ASIC5: variants seen among roughly 807,000 people sequenced by gnomAD.
ASIC5 encodes bile acid-sensitive ion channel.
ASIC5 carries 52 observed loss-of-function variants against 51.2 expected under a neutral mutation model. The observed-to-expected ratio is 1.02, with a 90% CI of 0.81 to 1.28. ASIC5 has a LOEUF of 1.28. Among genes scored for constraint, ASIC5 ranks in the 50% most tolerant of loss-of-function variants. The pLI, the probability that ASIC5 is intolerant of heterozygous loss-of-function variation, is 0.00. For missense variants in ASIC5, 635 were observed against 595.0 expected (o/e 1.07, Z -0.70); for synonymous variants, 231 against 200.7 (o/e 1.15, Z -1.28).
rs997255493 is a variant in ASIC5 at position 155,838,876 on chromosome 4, A to G, written c.1010-7T>C. ...TCACATTCTATCCCATATCCTTAAAAATAATAAGTGTAACATATAGAGACT... is the reference window on the plus strand; with the variant it reads ...TCACATTCTATCCCATATCCTTAAAGATAATAAGTGTAACATATAGAGACT... On this transcript the variant is annotated splice_polypyrimidine_tract_variant and splice_region_variant and intron_variant, in intron 6 of 9. Coordinates refer to ENST00000537611, the MANE Select transcript of ASIC5 (RefSeq NM_017419.3). 5.3e-6 allele frequency: 8 copies of G among 1,522,496 alleles called. No individual in the cohort carries two copies. In the Admixed American group the frequency reaches 1.4e-4, roughly 26 times the overall value. 94.3% of individuals were successfully genotyped at this position (1,522,496 alleles called of 1,614,324 possible). A position where few individuals can be genotyped will look rare whatever the true frequency, so the allele number is the denominator to read the frequency against.
Position 155,830,040 on chromosome 4 carries a change from A to C in ASIC5, c.1334T>G (p.Leu445Arg), listed in dbSNP as rs867319579. 1 of 1,540,006 alleles carries C rather than the reference A, an allele frequency of 6.5e-7. No individual in the cohort carries two copies. The highest frequency in any genetic ancestry group is 8.7e-7 in the Non-Finnish European group (1 of 1,146,366). Reference protein sequence around the residue: ...AVSVSELLADLGGQLGLFCGA... With the variant: ...AVSVSELLADRGGQLGLFCGA... The stretch of plus-strand genomic sequence containing the variant: ...ACAAAATAGACCCAGCTGACCACCA[A>C]GATCTGCTGTAATAAAACCAATAAA... Residue 445 changes from leucine to arginine, a missense_variant, in exon 10 of 10, where the codon CTT (leucine) becomes CGT (arginine). Leu to Arg is a moderately radical substitution (Grantham distance 102). Transcript: ENST00000537611.
intron 4 of ASIC5, among the ~76,000 whole-genome samples, chr4:155,849,075 T>C (rs1036220564): frequency 2.0e-5 from 3 of 152,062 alleles, no homozygotes; most frequent in South Asian, 2.1e-4. Flanking sequence ...CAGGACACAA[T>C]TGGAGAAACT....
chr4:155,857,583 A>G (rs1228825693), intron 2 of ASIC5, among the ~76,000 whole-genome samples: 1 of 152,118 alleles, frequency 6.6e-6, no homozygotes, highest in African/African-American at 2.4e-5. Flanking sequence ...ACAATTTAAC[A>G]TCTGCTAACC....
intron 4 of ASIC5, among the ~76,000 whole-genome samples, chr4:155,845,791 C>G (rs1741227211): frequency 6.6e-6 from 1 of 152,040 alleles, no homozygotes; most frequent in Non-Finnish European, 1.5e-5. Context: ...CTTTTTCTCT[C>G]TGTACCTTAT....
chr4:155,834,527 G>A (rs1322091329), intron 8 of ASIC5, among the ~76,000 whole-genome samples: 1 of 151,974 alleles, frequency 6.6e-6, no homozygotes, highest in Non-Finnish European at 1.5e-5. Flanking sequence ...TAGTCTTCCT[G>A]GTAATGGCCT....
At chr4:155,860,314 AAAT>A (rs1156919305) in intron 2 of ASIC5, among the ~76,000 whole-genome samples, 1 of 151,860 alleles carries the variant, frequency 6.6e-6, no homozygotes, top group African/African-American at 2.4e-5. Context: ...CACCTCCTAA[AAAT>A]AATAAATAAA....
intron 4 of ASIC5, among the ~76,000 whole-genome samples, chr4:155,844,332 A>G (rs1356113940): frequency 6.6e-6 from 1 of 152,026 alleles, no homozygotes; most frequent in African/African-American, 2.4e-5. Context: ...CAAACAAAAA[A>G]AACTCCTTTT....
intron 4 of ASIC5, among the ~76,000 whole-genome samples, chr4:155,844,594 G>T (rs1741197353): frequency 7.1e-6 from 1 of 141,360 alleles, no homozygotes; most frequent in African/African-American, 2.5e-5. Flanking sequence ...CTGTTTTGTT[G>T]TTTGTTTCTC....
chr4:155,859,045 TG>T (rs1263757781), intron 2 of ASIC5: 2 of 151,916 alleles, frequency 1.3e-5, no homozygotes, highest in African/African-American at 4.8e-5. Flanking sequence ...GTGAGAAAAT[TG>T]TAAGAGAGGG....
At chr4:155,855,430 G>A (rs746669634) in intron 2 of ASIC5, 1 of 151,792 alleles carries the variant, frequency 6.6e-6, no homozygotes, top group African/African-American at 2.4e-5. Context: ...TTATCTTGCC[G>A]GGCAATTTTG....
chr4:155,865,306 A>G (rs1020178510), intron 1 of ASIC5, among the ~76,000 whole-genome samples: 4 of 152,142 alleles, frequency 2.6e-5, no homozygotes, highest in African/African-American at 9.6e-5. Context: ...AACTGGCATA[A>G]TCCCAGAGAA....
At chr4:155,838,529 T>C (rs1475732346) in intron 7 of ASIC5, among the ~76,000 whole-genome samples, 3 of 152,200 alleles carry the variant, frequency 2.0e-5, no homozygotes, top group Non-Finnish European at 4.4e-5. Flanking sequence ...CTATTCACAA[T>C]AAACTTGTTT....
chr4:155,864,206 C>T (rs1224307956), intron 1 of ASIC5, among the ~76,000 whole-genome samples: 2 of 152,136 alleles, frequency 1.3e-5, no homozygotes, highest in Non-Finnish European at 2.9e-5. Flanking sequence ...AATGTTTGTC[C>T]TATGGTGGTA....
At chr4:155,842,460 G>T in intron 5 of ASIC5, 106 bp from the exon 6 acceptor site, 1 of 1,169,064 alleles carries the variant, frequency 8.6e-7, no homozygotes, top group Non-Finnish European at 1.2e-6. Context: ...AGAGCTCTTT[G>T]ATTTTCAAAA....
At chr4:155,834,909 G>C (rs192943419) in intron 8 of ASIC5, among the ~76,000 whole-genome samples, 45 of 152,202 alleles carry the variant, frequency 3.0e-4, no homozygotes, top group African/African-American at 1.1e-3. Flanking sequence ...TCGGCCGGGG[G>C]TGTTCAGAGA....
In ASIC5 at chr4:155,838,874, A is replaced by G; in HGVS notation, c.1010-5T>C. ...GGTCACATTCTATCCCATATCCTTA[A>G]AAATAATAAGTGTAACATATAGAGA... On this transcript the variant is annotated splice_polypyrimidine_tract_variant and splice_region_variant and intron_variant, in intron 6 of 9. Transcript: ENST00000537611. The G allele has an allele frequency of 6.5e-7, 1 of 1,531,348 alleles. No individual in the cohort carries two copies. The highest frequency in any genetic ancestry group is 9.0e-7 in the Non-Finnish European group (1 of 1,109,386). 94.9% of individuals were successfully genotyped at this position (1,531,348 alleles called of 1,614,324 possible).
In ASIC5 at chr4:155,849,890, C is replaced by T. The variant is rs190336184; in HGVS notation, c.711+2301G>A. On this transcript the variant is annotated intron_variant, in intron 4 of 9. Transcript: ENST00000537611. Reference sequence around the variant, plus strand: ...TACTGATGTACGGACTTCAAAGTAACATGGCCTATATGAATATTTCCAGTA... The same window carrying T: ...TACTGATGTACGGACTTCAAAGTAATATGGCCTATATGAATATTTCCAGTA... Among the ~76,000 whole-genome samples the T allele has an allele frequency of 2.8e-4, 42 of 152,082 alleles. No homozygotes were observed. In the East Asian group the frequency reaches 7.6e-3, roughly 27 times the overall value.
intron 8 of ASIC5, 35 bp from the exon 9 acceptor site, chr4:155,831,950 A>G (rs1421859291): frequency 9.1e-7 from 1 of 1,104,614 alleles, no homozygotes; most frequent in African/African-American, 1.6e-5. Context: ...ATAGCTTAAG[A>G]TTGTCAGCAT....
Position 155,829,969 on chromosome 4 carries a change from T to C in ASIC5, c.1405A>G (p.Thr469Ala). ...AAAATGCATATCCAGTAGAAATTGG[T>C]GAATAGATATTCAATAATTTCTATG... ...TIIEIIEYLF[T>A]NFYWICIFFL... is the part of the protein sequence containing the mutation. The change falls in exon 10 of 10, where the codon ACC becomes GCC. Residue 469 changes from threonine to alanine, a missense_variant. Transcript: ENST00000537611. The C allele has an allele frequency of 6.2e-7, 1 of 1,603,204 alleles. No homozygotes were observed.
Sources: allele counts gnomAD v4.1 joint callset (sites outside exome capture counted in the v4.1 genomes callset), GRCh38; gene constraint gnomAD v4.1.1; transcripts MANE v1.5; gene names NCBI Gene and HGNC (gene_info 2026-07-23, HGNC 2026-07-21).